Variants in CTNNA3 observed in about 807,000 individuals in gnomAD.
CTNNA3 encodes catenin alpha 3.
CTNNA3 carries 76 observed loss-of-function variants against 95.7 expected under a neutral mutation model. That is an observed-to-expected ratio of 0.79 (90% CI 0.66 to 0.96). The LOEUF (loss-of-function observed/expected upper bound fraction) is 0.96, where lower values mean the gene tolerates loss of function less well. CTNNA3 is among the 40% of genes least tolerant of loss of function. The probability of loss-of-function intolerance (pLI) is 0.00; values close to 1 mark genes in which losing one functional copy is unlikely to be tolerated. For synonymous variants in CTNNA3, 431 were observed against 374.4 expected (o/e 1.15, Z -1.74); for missense variants, 1,191 against 1,089.8 (o/e 1.09, Z -1.31).
chr10:66,794,189 G>A (rs1057296186), intron 7 of CTNNA3, among the ~76,000 whole-genome samples: 1 of 152,074 alleles, frequency 6.6e-6, no homozygotes, highest in African/African-American at 2.4e-5. Context: ...CACAAAACTC[G>A]AGTAAGATGC....
intron 5 of CTNNA3, among the ~76,000 whole-genome samples, chr10:67,513,985 C>T (rs1456112335): frequency 2.0e-5 from 3 of 152,156 alleles, no homozygotes; most frequent in African/African-American, 7.2e-5. Flanking sequence ...GATATTTAAT[C>T]TCCTTGCAAC....
intron 10 of CTNNA3, among the ~76,000 whole-genome samples, chr10:66,603,486 T>C (rs1409067862): frequency 6.6e-6 from 1 of 152,162 alleles, no homozygotes; most frequent in Admixed American, 6.5e-5. Flanking sequence ...ATTTGAAGAA[T>C]TAATATTGTC....
chr10:66,633,490 C>A (rs192300896), intron 9 of CTNNA3, among the ~76,000 whole-genome samples: 1 of 152,026 alleles, frequency 6.6e-6, no homozygotes, highest in Admixed American at 6.6e-5. Context: ...ACCATCCTGG[C>A]TAACATGGTG....
chr10:67,232,104 A>G (rs563197748), intron 5 of CTNNA3, among the ~76,000 whole-genome samples: 5 of 152,242 alleles, frequency 3.3e-5, no homozygotes, highest in South Asian at 4.1e-4. Context: ...ATTATCCAGG[A>G]GAACTTCCCC....
At chr10:66,468,912 T>C (rs1007814045) in intron 11 of CTNNA3, among the ~76,000 whole-genome samples, 12 of 151,932 alleles carry the variant, frequency 7.9e-5, no homozygotes, top group South Asian at 2.1e-4. Flanking sequence ...TCTTCCCATA[T>C]TTTTTGATAT....
At chr10:66,607,472 C>CAAA (rs574854850) in intron 10 of CTNNA3, among the ~76,000 whole-genome samples, 1,050 of 44,710 alleles carry the variant, frequency 0.023, 5 homozygotes, top group African/African-American at 0.027. Context: ...CAGAGACAAC[C>CAAA]AAAAAAAAAA....
chr10:66,166,449 G>A (rs1230363454), intron 13 of CTNNA3, among the ~76,000 whole-genome samples: 1 of 146,582 alleles, frequency 6.8e-6, no homozygotes, highest in Non-Finnish European at 1.5e-5. Context: ...AGCTGAGATC[G>A]CACCACTGCA....
At chr10:66,483,536 C>T (rs1368196012) in intron 11 of CTNNA3, among the ~76,000 whole-genome samples, 2 of 151,996 alleles carry the variant, frequency 1.3e-5, no homozygotes, top group East Asian at 1.9e-4. Context: ...AAAATAGGTT[C>T]CCTTACATTT....
chr10:66,587,941 A>C (rs763164736), intron 10 of CTNNA3, among the ~76,000 whole-genome samples: 2 of 152,114 alleles, frequency 1.3e-5, no homozygotes, highest in Non-Finnish European at 2.9e-5. Flanking sequence ...ATTTCTGGCC[A>C]ACAGGGTTTA....
chr10:66,776,160 T>C (rs1484837682), intron 7 of CTNNA3, among the ~76,000 whole-genome samples: 1 of 152,190 alleles, frequency 6.6e-6, no homozygotes, highest in Non-Finnish European at 1.5e-5. Flanking sequence ...CTTTAGGCTA[T>C]TAAGCACATA....
intron 13 of CTNNA3, among the ~76,000 whole-genome samples, chr10:66,151,275 A>G (rs1343915826): frequency 2.6e-5 from 4 of 152,026 alleles, no homozygotes; most frequent in Admixed American, 2.6e-4. Flanking sequence ...AGGAAGTGTG[A>G]TAGGAGGGCT....
At chr10:66,393,914 T>C (rs2456732) in intron 11 of CTNNA3, among the ~76,000 whole-genome samples, 14,348 of 151,978 alleles carry the variant, frequency 0.094, 912 homozygotes, top group African/African-American at 0.18. Context: ...TAAGTTTCTA[T>C]AAAAAATGCT....
intron 2 of CTNNA3, among the ~76,000 whole-genome samples, chr10:67,620,557 T>G (rs1021595771): frequency 6.8e-6 from 1 of 148,118 alleles, no homozygotes; most frequent in Non-Finnish European, 1.5e-5. Flanking sequence ...CAATTCCCAG[T>G]AGGTAGGAGT....
At chr10:67,121,537 G>A (rs529802344) in intron 7 of CTNNA3, among the ~76,000 whole-genome samples, 1 of 152,060 alleles carries the variant, frequency 6.6e-6, no homozygotes, top group African/African-American at 2.4e-5. Flanking sequence ...TAAGATAATG[G>A]CTGCAAGATA....
chr10:67,550,707 TAAAG>T, intron 3 of CTNNA3, among the ~76,000 whole-genome samples: 1 of 149,034 alleles, frequency 6.7e-6, no homozygotes, highest in East Asian at 2.0e-4. Context: ...ATTCATAGAA[TAAAG>T]AAATAGGTGA....
intron 1 of CTNNA3, among the ~76,000 whole-genome samples, chr10:67,661,718 A>C (rs1233464797): frequency 2.0e-5 from 3 of 150,358 alleles, no homozygotes; most frequent in African/African-American, 7.3e-5. Flanking sequence ...TTAAATGGGC[A>C]AAAAAAAAAT....
intron 7 of CTNNA3, among the ~76,000 whole-genome samples, chr10:66,815,434 A>G (rs540210857): frequency 3.4e-4 from 52 of 152,230 alleles, no homozygotes; most frequent in African/African-American, 1.2e-3. Flanking sequence ...AGTTCCCTCA[A>G]AGCCCCATTC....
chr10:66,089,173 T>A (rs1455716790), intron 14 of CTNNA3, among the ~76,000 whole-genome samples: 1 of 152,034 alleles, frequency 6.6e-6, no homozygotes, highest in Non-Finnish European at 1.5e-5. Flanking sequence ...CAAAAATAAA[T>A]ATTTACTCCT....
intron 13 of CTNNA3, among the ~76,000 whole-genome samples, chr10:66,219,500 TCTCTC>T (rs1403317314): frequency 2.6e-5 from 4 of 152,142 alleles, no homozygotes; most frequent in South Asian, 2.1e-4. Context: ...GTTCCCTCTC[TCTCTC>T]ATCATTTGCT....
Sources: allele counts gnomAD v4.1 joint callset (sites outside exome capture counted in the v4.1 genomes callset), GRCh38; gene constraint gnomAD v4.1.1; transcripts MANE v1.5; gene names NCBI Gene and HGNC (gene_info 2026-07-23, HGNC 2026-07-21).